DACH2: variants seen among roughly 807,000 people sequenced by gnomAD.
The protein encoded by DACH2 is dachshund family transcription factor 2.
A neutral mutation model predicts 35.8 loss-of-function variants in DACH2; 17 were observed. The ratio of observed to expected loss-of-function variants is 0.48; its 90% CI spans 0.33 to 0.71. DACH2 has a LOEUF of 0.71. DACH2 is among the 30% of genes least tolerant of loss of function. The probability of loss-of-function intolerance (pLI) is 0.02; values close to 1 mark genes in which losing one functional copy is unlikely to be tolerated. For synonymous variants in DACH2, 195 were observed against 177.3 expected, an observed-to-expected ratio of 1.10 and a Z score of -0.79; for missense variants, 469 against 472.7, an observed-to-expected ratio of 0.99 and a Z score of 0.07.
intron 6 of DACH2, among the ~76,000 whole-genome samples, chrX:86,725,076 T>G (rs1352146465): frequency 9.1e-6 from 1 of 110,455 alleles, no homozygotes; most frequent in Non-Finnish European, 1.9e-5. Context: ...TTCGCATTTA[T>G]GTCCTGAATT....
At chrX:86,723,265 T>C (rs1042590434) in intron 6 of DACH2, among the ~76,000 whole-genome samples, 4 of 111,486 alleles carry the variant, frequency 3.6e-5, no homozygotes, top group African/African-American at 1.3e-4. Context: ...TAATTTCTCA[T>C]GTTGGTTTTT....
intron 2 of DACH2, among the ~76,000 whole-genome samples, chrX:86,504,622 CTG>C (rs1316458569): frequency 9.0e-6 from 1 of 110,783 alleles, no homozygotes; most frequent in African/African-American, 3.3e-5. Context: ...CAACAGAACT[CTG>C]GAAGTTTTTC....
chrX:86,546,090 T>G (rs1322021323), intron 3 of DACH2, among the ~76,000 whole-genome samples: 1 of 111,365 alleles, frequency 9.0e-6, no homozygotes, highest in Non-Finnish European at 1.9e-5. Flanking sequence ...TGGAATTTAA[T>G]AATATATTTT....
intron 2 of DACH2, among the ~76,000 whole-genome samples, chrX:86,442,353 TTTTGTGTGTGTGTG>T (rs1399553246): frequency 6.6e-5 from 5 of 75,352 alleles, no homozygotes; most frequent in African/African-American, 2.6e-4. Context: ...TTAAGTAGTA[TTTTGTGTGTGTGTG>T]TGTGTGTGTG....
chrX:86,686,351 G>T (rs1471158176), intron 4 of DACH2, among the ~76,000 whole-genome samples: 2 of 110,403 alleles, frequency 1.8e-5, no homozygotes, highest in African/African-American at 6.6e-5. Context: ...TCCTGCCTCA[G>T]CCTCCCGAGT....
chrX:86,429,036 C>T (rs1053430270), intron 2 of DACH2, among the ~76,000 whole-genome samples: 1 of 111,022 alleles, frequency 9.0e-6, no homozygotes, highest in African/African-American at 3.3e-5. Flanking sequence ...TAATTCACGA[C>T]CAGATCTACC....
chrX:86,546,330 T>TTCTTCTTCCTCC lies in DACH2; in HGVS notation c.640+31950_640+31951insCTCTTCTTCCTC, dbSNP rs1569435581. Among the ~76,000 whole-genome samples the TTCTTCTTCCTCC allele has an allele frequency of 1.9e-3, 164 of 87,365 alleles. 4 individuals carry two copies. The highest frequency in any genetic ancestry group is 7.5e-3 in the African/African-American group (153 of 20,387). The allele number at this position is 87,365 out of a possible 115,157, so 75.9% of individuals were successfully genotyped here. Reference sequence around the variant, plus strand: ...AATACCTCCTACCTCTTTCTTCTTCTTCTTCTTCCTCTTCTTCTTCTTCTT... The same window carrying TTCTTCTTCCTCC: ...AATACCTCCTACCTCTTTCTTCTTCTTCTTCTTCCTCCTCTTCTTCCTCTTCTTCTTCTTCTT... On this transcript the variant is annotated intron_variant, in intron 3 of 11. Coordinates refer to ENST00000373125, the MANE Select transcript of DACH2 (RefSeq NM_053281.3).
chrX:86,774,588 G>T (rs1036912773), intron 7 of DACH2, among the ~76,000 whole-genome samples: 3 of 111,630 alleles, frequency 2.7e-5, no homozygotes, highest in African/African-American at 9.8e-5. Context: ...TATATTTTGG[G>T]GGGTTTGTTA....
chrX:86,802,957 A>G (rs1270176033), intron 7 of DACH2, among the ~76,000 whole-genome samples: 1 of 112,134 alleles, frequency 8.9e-6, no homozygotes, highest in Non-Finnish European at 1.9e-5. Flanking sequence ...AAACTGTTAT[A>G]ATGTTACTTG....
intron 1 of DACH2, among the ~76,000 whole-genome samples, chrX:86,253,990 T>A (rs2033452369): frequency 8.9e-6 from 1 of 112,162 alleles, no homozygotes; most frequent in African/African-American, 3.2e-5. Flanking sequence ...TTTTGTAAGA[T>A]GTATTGGGTT....
chrX:86,322,986 T>A (rs1031243164), intron 1 of DACH2, among the ~76,000 whole-genome samples: 1 of 112,268 alleles, frequency 8.9e-6, no homozygotes, highest in South Asian at 3.7e-4. Flanking sequence ...AGATGGGGCA[T>A]AAGGTTTGGT....
chrX:86,765,711 T>G (rs1277345144), intron 7 of DACH2, among the ~76,000 whole-genome samples: 3 of 97,467 alleles, frequency 3.1e-5, no homozygotes, highest in African/African-American at 7.5e-5. Context: ...TTTTTTTTTT[T>G]TTTTTTTTTT....
intron 1 of DACH2, among the ~76,000 whole-genome samples, chrX:86,236,714 G>A (rs754704224): frequency 3.6e-5 from 4 of 111,930 alleles, no homozygotes; most frequent in African/African-American, 1.3e-4. Flanking sequence ...ATAGAAAATG[G>A]CACATGTATA....
chrX:86,498,466 T>C (rs1357397805), intron 2 of DACH2, among the ~76,000 whole-genome samples: 3 of 112,205 alleles, frequency 2.7e-5, no homozygotes, highest in Non-Finnish European at 5.6e-5. Flanking sequence ...TTGACAGTTA[T>C]GTTCCTGGCA....
At chrX:86,417,503 AAGAG>A (rs201147472) in intron 2 of DACH2, among the ~76,000 whole-genome samples, 9,555 of 111,124 alleles carry the variant, frequency 0.086, 1,042 homozygotes, top group African/African-American at 0.3. Context: ...GGCAGCAGGC[AAGAG>A]AGAGAACTTG....
chrX:86,495,589 C>A (rs1316247046), intron 2 of DACH2, among the ~76,000 whole-genome samples: 1 of 110,123 alleles, frequency 9.1e-6, no homozygotes, highest in East Asian at 2.9e-4. Context: ...GCAGGAAGAT[C>A]ACTCGGGGCC....
intron 1 of DACH2, among the ~76,000 whole-genome samples, chrX:86,222,708 G>A (rs902087663): frequency 9.0e-6 from 1 of 110,712 alleles, no homozygotes; most frequent in Admixed American, 9.7e-5. Flanking sequence ...GTGCTAAAAG[G>A]AAACTTAATG....
chrX:86,294,252 C>G lies in DACH2; in HGVS notation c.489-82572C>G, dbSNP rs771192811. Among the ~76,000 whole-genome samples the G allele has an allele frequency of 1.6e-4, 18 of 111,683 alleles. No individual in the cohort carries two copies. The East Asian group carries it at 4.5e-3, about 28-fold the overall frequency. On this transcript the variant is annotated intron_variant, in intron 1 of 11. Coordinates refer to ENST00000373125, the MANE Select transcript of DACH2 (RefSeq NM_053281.3). ...GCTTCTGCATTCTTCACGTAGTTCT[C>G]GAGCCTTGGTTTTCAGCTCCATCAG...
chrX:86,294,648 G>C (rs778831953), intron 1 of DACH2, among the ~76,000 whole-genome samples: 7 of 109,160 alleles, frequency 6.4e-5, no homozygotes, highest in African/African-American at 2.0e-4. Context: ...TAACAGACAG[G>C]GCCCTCATCT....
Sources: allele counts gnomAD v4.1 joint callset (sites outside exome capture counted in the v4.1 genomes callset), GRCh38; gene constraint gnomAD v4.1.1; transcripts MANE v1.5; gene names NCBI Gene and HGNC (gene_info 2026-07-23, HGNC 2026-07-21).